Variants in CRADD observed in about 807,000 individuals in gnomAD.
The protein encoded by CRADD is death domain-containing protein CRADD.
A neutral mutation model predicts 15.5 loss-of-function variants in CRADD; 9 were observed. The ratio of observed to expected loss-of-function variants is 0.58; its 90% CI spans 0.35 to 1.01. The LOEUF (loss-of-function observed/expected upper bound fraction) is 1.01. CRADD is among the 50% of genes least tolerant of loss of function. CRADD has a pLI of 0.02. For synonymous variants in CRADD, 118 were observed against 107.6 expected (o/e 1.10, Z -0.60); for missense variants, 227 against 250.3 (o/e 0.91, Z 0.63).
chr12:93,767,704 T>G (rs1187054529), intron 2 of CRADD, among the ~76,000 whole-genome samples: 1 of 152,198 alleles, frequency 6.6e-6, no homozygotes, highest in Non-Finnish European at 1.5e-5. Context: ...AAAGCCTGAA[T>G]CATCACATTT....
intron 2 of CRADD, among the ~76,000 whole-genome samples, chr12:93,798,184 T>G (rs1426642476): frequency 1.6e-5 from 2 of 123,394 alleles, no homozygotes; most frequent in African/African-American, 3.1e-5. Context: ...GTGGGATGAC[T>G]TTTTCTTTTT....
At chr12:93,798,715 G>C (rs530187856) in intron 2 of CRADD, among the ~76,000 whole-genome samples, 1 of 152,286 alleles carries the variant, frequency 6.6e-6, no homozygotes, top group Non-Finnish European at 1.5e-5. Flanking sequence ...TACTATTACT[G>C]TACTGTTACT....
At chr12:93,701,769 A>C (rs1462968927) in intron 2 of CRADD, among the ~76,000 whole-genome samples, 2 of 152,084 alleles carry the variant, frequency 1.3e-5, no homozygotes, top group Non-Finnish European at 2.9e-5. Flanking sequence ...AGGAGCTGTT[A>C]TCTCTCCCCC....
chr12:93,731,496 T>C (rs1428828959), intron 2 of CRADD, among the ~76,000 whole-genome samples: 2 of 152,236 alleles, frequency 1.3e-5, no homozygotes, highest in Non-Finnish European at 2.9e-5. Context: ...CAGGCTTCTA[T>C]TTCAATGACT....
At chr12:93,726,094 G>GTTTTTA (rs1956359229) in intron 2 of CRADD, among the ~76,000 whole-genome samples, 1 of 96,010 alleles carries the variant, frequency 1.0e-5, no homozygotes, top group Non-Finnish European at 2.0e-5. Flanking sequence ...AAATAGTTTA[G>GTTTTTA]TTTTTTTTTT....
At chr12:93,795,235 G>C (rs934834944) in intron 2 of CRADD, among the ~76,000 whole-genome samples, 1 of 152,140 alleles carries the variant, frequency 6.6e-6, no homozygotes, top group African/African-American at 2.4e-5. Flanking sequence ...GAATTACTTT[G>C]TTTGTGATTT....
At chr12:93,798,718 C>G (rs1221383962) in intron 2 of CRADD, among the ~76,000 whole-genome samples, 2 of 152,200 alleles carry the variant, frequency 1.3e-5, no homozygotes, top group African/African-American at 4.8e-5. Context: ...TATTACTGTA[C>G]TGTTACTAAA....
chr12:93,720,910 G>A (rs1178857504), intron 2 of CRADD, among the ~76,000 whole-genome samples: 1 of 152,122 alleles, frequency 6.6e-6, no homozygotes, highest in Non-Finnish European at 1.5e-5. Flanking sequence ...GGCATTTGAG[G>A]TGATTGTTAG....
At chr12:93,832,759 A>G (rs1384968850) in intron 2 of CRADD, among the ~76,000 whole-genome samples, 1 of 152,250 alleles carries the variant, frequency 6.6e-6, no homozygotes, top group Non-Finnish European at 1.5e-5. Flanking sequence ...CATTTTCCCT[A>G]TTTAGAAAAG....
rs1489241090 is a variant in CRADD, at chr12:93,752,813, G to A, written c.298+73741G>A. 3.9e-5 allele frequency among the ~76,000 whole-genome samples: 6 copies of A among 152,236 alleles called. No homozygotes were observed. In the Middle Eastern group the frequency reaches 0.014, roughly 345 times the overall value. ...TGCTGATAAAGATATACCTGAAACT[G>A]GGCAATTTACAAAAGGAAGAGGTTT... On this transcript the variant is annotated intron_variant, in intron 2 of 2. Transcript: ENST00000332896.
At position 93,894,025 on chromosome 12, in the gene CRADD, G is replaced by C. The variant is rs143614509; in HGVS notation, c.299-25G>C. Reference sequence around the variant, plus strand: ...GCTGATCGCCATACTCCCTTGATTTGACCTTCTCTTTCTTCTCATTTTAGA... The same window carrying C: ...GCTGATCGCCATACTCCCTTGATTTCACCTTCTCTTTCTTCTCATTTTAGA... On this transcript the variant is annotated intron_variant, in intron 2 of 2. Transcript: ENST00000548483. The C allele has an allele frequency of 2.1e-4, 145 of 702,240 alleles. No individual in the cohort carries two copies. In the East Asian group the frequency reaches 3.8e-3, roughly 18 times the overall value. 43.5% of individuals were successfully genotyped at this position (702,240 alleles called of 1,614,324 possible).
chr12:93,796,097 T>A (rs1402416428), intron 2 of CRADD, among the ~76,000 whole-genome samples: 3 of 152,194 alleles, frequency 2.0e-5, no homozygotes, highest in African/African-American at 7.2e-5. Context: ...ATGTCTATTT[T>A]ATCAAGTAGC....
chr12:93,717,927 A>G (rs1238157380), intron 2 of CRADD, among the ~76,000 whole-genome samples: 1 of 152,154 alleles, frequency 6.6e-6, no homozygotes, highest in African/African-American at 2.4e-5. Flanking sequence ...CATTTGTTGA[A>G]CGGACTGTCT....
intron 2 of CRADD, among the ~76,000 whole-genome samples, chr12:93,889,398 AG>A (rs1958560417): frequency 6.6e-6 from 1 of 152,132 alleles, no homozygotes. Context: ...AATTCCTCTG[AG>A]GTCACCCTAA....
At chr12:93,792,750 A>G (rs762173143) in intron 2 of CRADD, among the ~76,000 whole-genome samples, 7 of 152,222 alleles carry the variant, frequency 4.6e-5, no homozygotes, top group Non-Finnish European at 8.8e-5. Context: ...ACTGAGAGAC[A>G]GAAAAGTTAG....
chr12:93,809,408 TG>T (rs1436121886), intron 2 of CRADD, among the ~76,000 whole-genome samples: 1 of 152,178 alleles, frequency 6.6e-6, no homozygotes, highest in Non-Finnish European at 1.5e-5. Flanking sequence ...GGTAAAGATA[TG>T]GGGTTCTGGC....
intron 2 of CRADD, among the ~76,000 whole-genome samples, chr12:93,737,453 G>T (rs1321589421): frequency 6.6e-6 from 1 of 152,164 alleles, no homozygotes; most frequent in Non-Finnish European, 1.5e-5. Flanking sequence ...TAAAAGAAAG[G>T]ATTCAAACTT....
chr12:93,884,359 T>A (rs1281053998), intron 2 of CRADD, among the ~76,000 whole-genome samples: 2 of 152,148 alleles, frequency 1.3e-5, no homozygotes, highest in Non-Finnish European at 2.9e-5. Context: ...AGAGGAAAGA[T>A]AACAAAATTG....
intron 2 of CRADD, among the ~76,000 whole-genome samples, chr12:93,830,860 CT>C (rs1957888785): frequency 1.3e-5 from 2 of 152,162 alleles, no homozygotes; most frequent in Admixed American, 6.5e-5. Context: ...TTTAGACAAT[CT>C]CCAAACAATT....
Sources: allele counts gnomAD v4.1 joint callset (sites outside exome capture counted in the v4.1 genomes callset), GRCh38; gene constraint gnomAD v4.1.1; transcripts MANE v1.5; gene names NCBI Gene and HGNC (gene_info 2026-07-23, HGNC 2026-07-21).